RELT: variants seen among roughly 807,000 people sequenced by gnomAD.
The protein encoded by RELT is tumor necrosis factor receptor superfamily member 19L.
Under a neutral mutation model 51.1 loss-of-function variants are expected in RELT, and 37 were observed. That is an observed-to-expected ratio of 0.72 (90% CI 0.56 to 0.95). The LOEUF (loss-of-function observed/expected upper bound fraction) is 0.95, where lower values mean the gene tolerates loss of function less well. RELT is among the 40% of genes least tolerant of loss of function. The pLI, the probability that RELT is intolerant of heterozygous loss-of-function variation, is 0.00. For synonymous variants in RELT, 241 were observed against 235.7 expected (o/e 1.02, Z -0.21); for missense variants, 535 against 572.6 (o/e 0.93, Z 0.67).
chr11:73,389,105 GC>G lies in RELT; in HGVS notation c.-25-4del. 6.6e-7 allele frequency: 1 copy of G among 1,507,140 alleles called. No individual in the cohort carries two copies. 93.4% of individuals were successfully genotyped at this position (1,507,140 alleles called of 1,614,324 possible). A position where few individuals can be genotyped will look rare whatever the true frequency, so the allele number is the denominator to read the frequency against. ...GCTCTGCCGAGCCTCCTCTCCATCT[GC>G]CCTAGGCCGGCGACCACCAGGGGCC... On this transcript the variant is annotated splice_polypyrimidine_tract_variant and splice_region_variant and intron_variant, in intron 1 of 10. Transcript: ENST00000064780.
In RELT at chr11:73,396,716, C is replaced by T. The variant is rs907590854; in HGVS notation, c.*1225C>T. ...TCCACTTGTACCTGTCCAGCCCTGC[C>T]CTGTGTTGGGCACCGTGACAGGCTG... On this transcript the variant is annotated 3_prime_UTR_variant, in exon 11 of 11. Coordinates refer to ENST00000064780, the MANE Select transcript of RELT (RefSeq NM_152222.2). 1 of 152,310 alleles carries T rather than the reference C, an allele frequency of 6.6e-6. No homozygotes were observed. The highest frequency in any genetic ancestry group is 1.5e-5 in the Non-Finnish European group (1 of 68,098). 9.4% of individuals were successfully genotyped at this position (152,310 alleles called of 1,614,324 possible).
In RELT at chr11:73,393,901, G is replaced by T; in HGVS notation, c.690G>T (p.Leu230Phe). ...NEDTIGVLVR[L>F]ITEKKENAAA... ...ACACCATTGGGGTCCTGGTGCGCTTGATCACAGAGAAGAAAGGTGAGGAGA... is the reference window on the plus strand; with the variant it reads ...ACACCATTGGGGTCCTGGTGCGCTTTATCACAGAGAAGAAAGGTGAGGAGA... Residue 230 changes from leucine to phenylalanine, a missense_variant, in exon 7 of 11, where the codon TTG (leucine) becomes TTT (phenylalanine). Leu to Phe is a conservative substitution (Grantham distance 22). Coordinates refer to ENST00000064780, the MANE Select transcript of RELT (RefSeq NM_152222.2). 1 of 1,613,990 alleles carries T rather than the reference G, an allele frequency of 6.2e-7. No homozygotes were observed. The highest frequency in any genetic ancestry group is 1.1e-5 in the South Asian group (1 of 91,080).
rs368373127 is a variant in RELT at position 73,395,538 on chromosome 11, C to T, written c.*47C>T. On this transcript the variant is annotated 3_prime_UTR_variant, in exon 11 of 11. Transcript: ENST00000064780. ...ACTGCGGCCCTGCCCTGGGAGGTTC[C>T]GAAGGCTTCCTGGAGGAGGTGGAGC... 1.0e-5 allele frequency: 8 copies of T among 780,948 alleles called. No individual in the cohort carries two copies. The highest frequency in any genetic ancestry group is 3.4e-5 in the Admixed American group (2 of 58,992). The allele number at this position is 780,948 out of a possible 1,614,324, so 48.4% of individuals were successfully genotyped here. A position where few individuals can be genotyped will look rare whatever the true frequency, so the allele number is the denominator to read the frequency against.
At position 73,394,232 on chromosome 11, in the gene RELT, A is replaced by G. The variant is rs369792827; in HGVS notation, c.707-4A>G. On this transcript the variant is annotated splice_polypyrimidine_tract_variant and splice_region_variant and intron_variant, in intron 7 of 10. Coordinates refer to ENST00000064780, the MANE Select transcript of RELT (RefSeq NM_152222.2). The surrounding 1 kb of genome is among the most constrained non-coding windows in gnomAD (Gnocchi z 4.9). ...AGTGAGGGTCTGACTGCAGCTACCC[A>G]CAGAGAATGCTGCGGCCCTGGAGGA... The G allele has an allele frequency of 6.2e-7, 1 of 1,601,076 alleles. No homozygotes were observed. The highest frequency in any genetic ancestry group is 1.1e-5 in the South Asian group (1 of 89,576).
intron 1 of RELT, among the ~76,000 whole-genome samples, chr11:73,381,738 T>C (rs1232918019): frequency 1.3e-5 from 2 of 152,162 alleles, no homozygotes; most frequent in Non-Finnish European, 1.5e-5. Flanking sequence ...GAACTACCCC[T>C]TACATTCCTG....
At chr11:73,377,667 A>C (rs1865991366) in intron 1 of RELT, among the ~76,000 whole-genome samples, 1 of 149,864 alleles carries the variant, frequency 6.7e-6, no homozygotes, top group Admixed American at 6.7e-5. Context: ...ACCCGGACAC[A>C]ATCTTGTTCT....
chr11:73,377,046 G>C (rs1201699178), intron 1 of RELT, among the ~76,000 whole-genome samples: 2 of 152,236 alleles, frequency 1.3e-5, no homozygotes, highest in Non-Finnish European at 2.9e-5. Flanking sequence ...GGGCGACACA[G>C]AGGGGCTCTG....
At chr11:73,377,722 A>G (rs934099411) in intron 1 of RELT, among the ~76,000 whole-genome samples, 29 of 128,012 alleles carry the variant, frequency 2.3e-4, no homozygotes, top group African/African-American at 7.6e-4. Context: ...CAGTCTCCCC[A>G]TCTGCACACT....
chr11:73,380,013 C>T (rs1866026939), intron 1 of RELT, among the ~76,000 whole-genome samples: 1 of 152,224 alleles, frequency 6.6e-6, no homozygotes, highest in Non-Finnish European at 1.5e-5. Context: ...CCCAGCTCCA[C>T]CTCACCCAGG....
intron 4 of RELT, 56 bp downstream of exon 4, chr11:73,390,977 C>A (rs991857531): frequency 7.5e-6 from 12 of 1,589,708 alleles, no homozygotes; most frequent in Non-Finnish European, 1.0e-5. Context: ...GACTCTGGAT[C>A]CTGGGGCCCC....
At chr11:73,393,238 G>A (rs1866248408) in intron 6 of RELT, 3 of 1,003,898 alleles carry the variant, frequency 3.0e-6, no homozygotes, top group Admixed American at 5.3e-5. Flanking sequence ...GGTGACTCAG[G>A]GCCATTTTGC....
intron 6 of RELT, chr11:73,392,912 C>T: frequency 2.0e-6 from 2 of 1,025,230 alleles, no homozygotes; most frequent in African/African-American, 3.4e-5. Flanking sequence ...GTTTTGGTTC[C>T]AGGCTGTAGT....
In RELT at chr11:73,390,504, C is replaced by T. The variant is rs375357831; in HGVS notation, c.46-47C>T. The T allele has an allele frequency of 5.1e-6, 8 of 1,565,140 alleles. No homozygotes were observed. In the African/African-American group the frequency reaches 8.1e-5, roughly 16 times the overall value. On this transcript the variant is annotated intron_variant, in intron 2 of 10. Coordinates refer to ENST00000064780, the MANE Select transcript of RELT (RefSeq NM_152222.2). ...TGGGGGATAGATGACCCCAGAGACC[C>T]CACACCCAGCACTTTCTGCCTCTTT...
At chr11:73,389,854 T>C (rs1031302261) in intron 2 of RELT, among the ~76,000 whole-genome samples, 5 of 152,132 alleles carry the variant, frequency 3.3e-5, no homozygotes, top group African/African-American at 1.2e-4. Flanking sequence ...GGTAGCCTCA[T>C]CCAGCCTAGG....
In RELT at chr11:73,376,405, C is replaced by G. The variant is rs1341791767; in HGVS notation, c.-120C>G. 1 of 151,910 alleles carries G rather than the reference C, an allele frequency of 6.6e-6. No homozygotes were observed. Among genetic ancestry groups the G allele is most frequent in the African/African-American group, 2.4e-5 (1 of 41,408 alleles). The allele number at this position is 151,910 out of a possible 1,614,324, so 9.4% of individuals were successfully genotyped here. A position where few individuals can be genotyped will look rare whatever the true frequency, so the allele number is the denominator to read the frequency against. On this transcript the variant is annotated 5_prime_UTR_variant, in exon 1 of 11. Transcript: ENST00000064780. Reference sequence around the variant, plus strand: ...CCCAGCCGGCGATTCATTCAAAAGGCGCGCAGGCTGCGCGGCTGTCCGGGC... The same window carrying G: ...CCCAGCCGGCGATTCATTCAAAAGGGGCGCAGGCTGCGCGGCTGTCCGGGC...
At chr11:73,377,696 TC>T (rs1865992473) in intron 1 of RELT, among the ~76,000 whole-genome samples, 1 of 112,492 alleles carries the variant, frequency 8.9e-6, no homozygotes, top group Non-Finnish European at 2.0e-5. Context: ...CCCGCCCCCC[TC>T]CCCCGCGCAG....
In RELT at chr11:73,392,304, G is replaced by C; in HGVS notation, c.461G>C (p.Gly154Ala). 6.2e-7 allele frequency: 1 copy of C among 1,613,526 alleles called. No individual in the cohort carries two copies. Among genetic ancestry groups the C allele is most frequent in the Non-Finnish European group, 8.5e-7 (1 of 1,179,912 alleles). ...TRQPGNGTRA[G>A]GPEETAAQYA... is the part of the protein sequence containing the mutation. ...CAGCCTGGGAACGGCACCCGGGCAGGTGGCCCAGAGGAGACAGCCGCCCAG... is the reference window on the plus strand; with the variant it reads ...CAGCCTGGGAACGGCACCCGGGCAGCTGGCCCAGAGGAGACAGCCGCCCAG... Residue 154 changes from glycine (G) to alanine (A), a missense_variant, in exon 6 of 11, where the codon GGT (glycine) becomes GCT (alanine). Gly to Ala is a moderately conservative substitution (Grantham distance 60, BLOSUM62 0). Coordinates refer to ENST00000064780, the MANE Select transcript of RELT (RefSeq NM_152222.2).
At chr11:73,385,201 A>G (rs1329980968) in intron 1 of RELT, among the ~76,000 whole-genome samples, 2 of 151,754 alleles carry the variant, frequency 1.3e-5, no homozygotes, top group Non-Finnish European at 2.9e-5. Flanking sequence ...ACTGTAGGGA[A>G]GGGGAGGGCC....
chr11:73,380,169 C>T (rs1362772940), intron 1 of RELT, among the ~76,000 whole-genome samples: 1 of 152,156 alleles, frequency 6.6e-6, no homozygotes, highest in East Asian at 1.9e-4. Context: ...TGGCCAGTAG[C>T]CCACCCCCTC....
Sources: allele counts gnomAD v4.1 joint callset (sites outside exome capture counted in the v4.1 genomes callset), GRCh38; gene constraint gnomAD v4.1.1; non-coding constraint Gnocchi (gnomAD v3.1); transcripts MANE v1.5; gene names NCBI Gene and HGNC (gene_info 2026-07-23, HGNC 2026-07-21).